KIF3B: variants seen among roughly 807,000 people sequenced by gnomAD.
KIF3B encodes the protein kinesin family member 3B, also known as kinesin-like protein KIF3B.
Under a neutral mutation model 74.3 loss-of-function variants are expected in KIF3B, and 38 were observed. The ratio of observed to expected loss-of-function variants is 0.51; its 90% confidence interval spans 0.39 to 0.67. The LOEUF (loss-of-function observed/expected upper bound fraction) is 0.67. KIF3B is among the 30% of genes least tolerant of loss of function. KIF3B has a pLI of 0.00. For missense variants in KIF3B, 649 were observed against 932.0 expected (o/e 0.70, Z 3.95); for synonymous variants, 326 against 342.5 (o/e 0.95, Z 0.53).
chr20:32,309,617 G>A lies in KIF3B; in HGVS notation c.-65-96G>A, dbSNP rs142309910. 1,694 of 715,938 alleles carry A rather than the reference G, an allele frequency of 2.4e-3. 2 individuals are homozygous for A. Among genetic ancestry groups the A allele is most frequent in the Non-Finnish European group, 3.4e-3 (1,486 of 443,404 alleles). 44.3% of individuals were successfully genotyped at this position (715,938 alleles called of 1,614,324 possible). A position where few individuals can be genotyped will look rare whatever the true frequency, so the allele number is the denominator to read the frequency against. On this transcript the variant is annotated intron_variant, in intron 1 of 8. Transcript: ENST00000375712. ...TAAAGTTATCAGATATGGCTGTCAGGTTAGCAAGATGAAGACTATTTAGGT... is the reference window on the plus strand; with the variant it reads ...TAAAGTTATCAGATATGGCTGTCAGATTAGCAAGATGAAGACTATTTAGGT...
chr20:32,278,234 C>A (rs1052679618), intron 1 of KIF3B, among the ~76,000 whole-genome samples: 1 of 152,002 alleles, frequency 6.6e-6, no homozygotes, highest in African/African-American at 2.4e-5. Flanking sequence ...AGGGAGAATT[C>A]TTAGGGCACC....
At chr20:32,300,490 A>G (rs1056448194) in intron 1 of KIF3B, among the ~76,000 whole-genome samples, 1 of 152,120 alleles carries the variant, frequency 6.6e-6, no homozygotes, top group African/African-American at 2.4e-5. Context: ...CGCGTTAGCC[A>G]CAATAGTCTC....
At chr20:32,316,930 G>A (rs1343535588) in intron 5 of KIF3B, 56 bp downstream of exon 5, 46 of 1,284,166 alleles carry the variant, frequency 3.6e-5, no homozygotes, top group South Asian at 1.9e-4. Flanking sequence ...CATTGATCTC[G>A]TTTGTTTAGT....
Position 32,310,570 on chromosome 20 carries a change from G to A in KIF3B, c.793G>A (p.Ala265Thr). 1 of 1,614,150 alleles carries A rather than the reference G, an allele frequency of 6.2e-7. No individual in the cohort carries two copies. Residue 265 changes from alanine (A) to threonine (T), a missense_variant, in exon 2 of 9, where the codon GCT becomes ACT. Coordinates refer to ENST00000375712, the MANE Select transcript of KIF3B (RefSeq NM_004798.4). The surrounding 1 kb of genome is among the most constrained non-coding windows in gnomAD (Gnocchi z 6.5). Reference protein sequence around the residue: ...TGAQGERLKEATKINLSLSAL... With the variant: ...TGAQGERLKETTKINLSLSAL... ...CGCACAAGGGGAGAGATTAAAAGAA[G>A]CTACCAAGATCAACCTCTCCCTTTC...
At chr20:32,327,444 T>C in intron 6 of KIF3B, 112 bp from the exon 7 acceptor site, 1 of 761,732 alleles carries the variant, frequency 1.3e-6, no homozygotes, top group South Asian at 1.6e-5. Flanking sequence ...CCCGTCCCAC[T>C]TACGTCAGCC....
At chr20:32,293,997 T>C (rs973270072) in intron 1 of KIF3B, among the ~76,000 whole-genome samples, 1 of 152,194 alleles carries the variant, frequency 6.6e-6, no homozygotes, top group East Asian at 1.9e-4. Context: ...CTGATCCTTA[T>C]TCTTTAAATG....
chr20:32,328,322 G>T (rs1266695437), intron 7 of KIF3B, among the ~76,000 whole-genome samples: 5 of 152,092 alleles, frequency 3.3e-5, no homozygotes, highest in African/African-American at 1.2e-4. Flanking sequence ...TACTTGGGAG[G>T]CTGAGGCAGG....
intron 1 of KIF3B, among the ~76,000 whole-genome samples, chr20:32,287,779 C>T (rs951147527): frequency 2.0e-5 from 3 of 146,786 alleles, no homozygotes. Flanking sequence ...CTTAAGAGAA[C>T]AATTCTAAAT....
chr20:32,296,111 C>T lies in KIF3B; in HGVS notation c.-65-13602C>T, dbSNP rs538060512. ...ATCTCTTGACCTTGTGATCCACCCG[C>T]CTCGGCCTCCCAAAGTGCTGAGATT... On this transcript the variant is annotated intron_variant, in intron 1 of 8. Transcript: ENST00000375712. 7.3e-5 allele frequency among the ~76,000 whole-genome samples: 11 copies of T among 151,716 alleles called. No homozygotes were observed. The South Asian group carries it at 2.3e-3, about 32-fold the overall frequency.
In KIF3B at chr20:32,331,243, CGG is replaced by C. The variant is rs1269617384; in HGVS notation, c.2170_2171del (p.Gly724IlefsTer44). ...TGCAGGCCTAAAAGTGGAAGGAAGT[CGG>C]GATCCTCCTCCTCTTCCTCAGGAAC... On this transcript the variant is annotated frameshift_variant, in exon 9 of 9. Coordinates refer to ENST00000375712, the MANE Select transcript of KIF3B (RefSeq NM_004798.4). LOFTEE classifies it high-confidence loss of function. The C allele has an allele frequency of 1.2e-6, 2 of 1,613,244 alleles. No individual in the cohort carries two copies. Among genetic ancestry groups the C allele is most frequent in the Non-Finnish European group, 1.7e-6 (2 of 1,179,730 alleles).
intron 1 of KIF3B, among the ~76,000 whole-genome samples, chr20:32,289,571 T>C (rs1340803634): frequency 1.3e-5 from 2 of 152,198 alleles, no homozygotes; most frequent in African/African-American, 4.8e-5. Flanking sequence ...TAAGCTACAG[T>C]ATTTAGCTAG....
intron 1 of KIF3B, among the ~76,000 whole-genome samples, chr20:32,281,814 A>G (rs1231576461): frequency 6.6e-6 from 1 of 152,212 alleles, no homozygotes; most frequent in African/African-American, 2.4e-5. Flanking sequence ...CGGGCCAGCC[A>G]TTTGAAGACA....
At chr20:32,293,879 A>G (rs1010209899) in intron 1 of KIF3B, among the ~76,000 whole-genome samples, 1 of 152,196 alleles carries the variant, frequency 6.6e-6, no homozygotes, top group African/African-American at 2.4e-5. Context: ...TGTTTTAAAA[A>G]TATATGGGTT....
At chr20:32,320,191 G>A (rs1308170371) in intron 5 of KIF3B, among the ~76,000 whole-genome samples, 8 of 152,076 alleles carry the variant, frequency 5.3e-5, no homozygotes, top group East Asian at 3.9e-4. Flanking sequence ...CACTGTGCCC[G>A]GCTGAGTTTT....
At chr20:32,300,758 T>G (rs541463985) in intron 1 of KIF3B, among the ~76,000 whole-genome samples, 3 of 152,314 alleles carry the variant, frequency 2.0e-5, no homozygotes, top group Admixed American at 6.5e-5. Context: ...CAGGAAGCAA[T>G]CTTGTCCATG....
At chr20:32,278,986 C>T (rs4911089) in intron 1 of KIF3B, among the ~76,000 whole-genome samples, 50,272 of 146,532 alleles carry the variant, frequency 0.34, 9,816 homozygotes, top group East Asian at 0.73. Context: ...TGCAGTGGCG[C>T]GATCTCAGCT....
intron 2 of KIF3B, 97 bp from the exon 3 acceptor site, chr20:32,316,121 A>G: frequency 1.3e-6 from 1 of 742,978 alleles, no homozygotes; most frequent in East Asian, 2.5e-5. Context: ...CTTTTGGCTC[A>G]GTCCTGAGCT....
chr20:32,310,457 A>T lies in KIF3B; in HGVS notation c.680A>T (p.Glu227Val). The T allele has an allele frequency of 6.2e-7, 1 of 1,614,094 alleles. No homozygotes were observed. Among genetic ancestry groups the T allele is most frequent in the African/African-American group, 1.3e-5 (1 of 75,066 alleles). Residue 227 changes from glutamate to valine, a missense_variant, in exon 2 of 9, where the codon GAG becomes GTG. This residue lies in a region of KIF3B where 363 missense variants were observed against 592.8 expected (regional missense o/e 0.61). Transcript: ENST00000375712. This position sits in a 1 kb window ranked among gnomAD's most constrained non-coding sequence, Gnocchi z 6.5. ...TTCGTTATCACTATTGAGTGCAGCG[A>T]GGTGGGCCTCGATGGTGAAAACCAC... is the stretch of plus-strand genomic sequence containing the variant. ...AIFVITIECSEVGLDGENHIR... is the reference protein window; with the variant it reads ...AIFVITIECSVVGLDGENHIR...
intron 1 of KIF3B, among the ~76,000 whole-genome samples, chr20:32,286,215 A>G (rs1370716719): frequency 1.3e-5 from 2 of 152,232 alleles, no homozygotes; most frequent in Non-Finnish European, 2.9e-5. Context: ...AGTCCTTCAT[A>G]TCACCTTCAG....
Sources: allele counts gnomAD v4.1 joint callset (sites outside exome capture counted in the v4.1 genomes callset), GRCh38; gene constraint gnomAD v4.1.1; regional missense constraint gnomAD v4.1.1; non-coding constraint Gnocchi (gnomAD v3.1); transcripts MANE v1.5; gene names NCBI Gene and HGNC (gene_info 2026-07-23, HGNC 2026-07-21).